The following ABCB8 variants were observed in gnomAD, a reference collection of about 807,000 sequenced individuals.
ABCB8 encodes ATP binding cassette subfamily B member 8.
ABCB8 carries 52 observed loss-of-function variants against 73.0 expected under a neutral mutation model. The observed-to-expected ratio is 0.71, with a 90% CI of 0.57 to 0.90. The LOEUF (loss-of-function observed/expected upper bound fraction) is 0.90. ABCB8 is among the 40% of genes least tolerant of loss of function. The probability of loss-of-function intolerance (pLI) is 0.00; values close to 1 mark genes in which losing one functional copy is unlikely to be tolerated. For synonymous variants in ABCB8, 428 were observed against 423.5 expected (o/e 1.01, Z -0.13); for missense variants, 909 against 974.6 (o/e 0.93, Z 0.90).
intron 9 of ABCB8, chr7:151,038,598 G>GA (rs1351514750): frequency 6.6e-6 from 1 of 151,940 alleles, no homozygotes; most frequent in Non-Finnish European, 1.5e-5. Flanking sequence ...TCCCTGTGGG[G>GA]AGGGTGGCTG....
At position 151,034,314 on chromosome 7, in the gene ABCB8, G is replaced by C; in HGVS notation, c.450G>C (p.Leu150=). Residue 150 remains leucine (L), a synonymous_variant, in exon 3 of 16, where the codon CTG becomes CTC. Transcript: ENST00000358849. ...CACTCGTGAATGTACAGATCCCCCT[G>C]CTCCTGGGCCAGCTGGTAGAGGTCG... is the stretch of plus-strand genomic sequence containing the variant. The part of the protein sequence containing the change: ...GAALVNVQIP[L]LLGQLVEVVA... 1.2e-6 allele frequency: 2 copies of C among 1,613,760 alleles called. No individual in the cohort carries two copies. The highest frequency in any genetic ancestry group is 1.7e-6 in the Non-Finnish European group (2 of 1,180,000).
In ABCB8 at chr7:151,036,075, G is replaced by T. The variant is rs748204050; in HGVS notation, c.1016G>T (p.Arg339Leu). 1.2e-6 allele frequency: 2 copies of T among 1,613,074 alleles called. No individual in the cohort carries two copies. Among genetic ancestry groups the T allele is most frequent in the Middle Eastern group, 3.3e-4 (2 of 6,058 alleles). ...AFAMEQREEE[R>L]YGAELEACRC... ...AATGCACTGGTCTCTCTCACCAGGC[G>T]CTATGGGGCAGAGCTGGAAGCCTGC... Residue 339 changes from arginine to leucine, a missense_variant and splice_region_variant, in exon 8 of 16, where the codon CGC becomes CTC. Transcript: ENST00000358849.
At position 151,035,904 on chromosome 7, in the gene ABCB8, C is replaced by A. The variant is rs768204790; in HGVS notation, c.950C>A (p.Ala317Glu). The change falls in exon 7 of 16, where the codon GCA (alanine) becomes GAA (glutamate). Residue 317 changes from alanine to glutamate, a missense_variant. Physicochemically the swap from Ala to Glu is moderately radical, Grantham distance 107 (BLOSUM62 -1). Transcript: ENST00000358849. ...CAGATCGCCAGGGCAATGGGCGTAG[C>A]AGACGAGGCCCTGGGCAATGTGCGG... ...QEQIARAMGVADEALGNVRTV... is the reference protein window; with the variant it reads ...QEQIARAMGVEDEALGNVRTV... 6.2e-7 allele frequency: 1 copy of A among 1,613,684 alleles called. No individual in the cohort carries two copies. Among genetic ancestry groups the A allele is most frequent in the South Asian group, 1.1e-5 (1 of 91,086 alleles).
intron 9 of ABCB8, chr7:151,038,991 A>G (rs923416956): frequency 4.6e-5 from 7 of 152,198 alleles, no homozygotes; most frequent in African/African-American, 1.7e-4. Context: ...AGCCTAACCT[A>G]TGAGCCCATC....
chr7:151,034,105 A>T (rs552252759), intron 2 of ABCB8, among the ~76,000 whole-genome samples, 168 bp from the exon 3 acceptor site: 7 of 152,304 alleles, frequency 4.6e-5, no homozygotes, highest in African/African-American at 1.7e-4. Context: ...GGGGACTGGA[A>T]GCCAGGGTTT....
chr7:151,028,989 T>A, intron 1 of ABCB8: 2 of 1,225,730 alleles, frequency 1.6e-6, no homozygotes, highest in Non-Finnish European at 2.1e-6. Flanking sequence ...GGATTCAAAG[T>A]GAGTCGAAGA....
intron 9 of ABCB8, chr7:151,037,059 T>C: frequency 1.4e-6 from 1 of 692,168 alleles, no homozygotes. Flanking sequence ...CCAGAACTCT[T>C]ACCTGGCAGA....
intron 13 of ABCB8, among the ~76,000 whole-genome samples, 189 bp downstream of exon 13, chr7:151,041,421 G>A (rs1025802814): frequency 1.3e-5 from 2 of 152,242 alleles, no homozygotes; most frequent in Admixed American, 6.5e-5. Flanking sequence ...AGCAGCCACA[G>A]CTCTGCCTGG....
intron 9 of ABCB8, chr7:151,037,780 T>C (rs1321777019): frequency 5.6e-6 from 1 of 177,590 alleles, no homozygotes; most frequent in Non-Finnish European, 1.2e-5. Flanking sequence ...GGGTGTACTG[T>C]CCCAGGAAGC....
rs1796450187 is a variant in ABCB8, at chr7:151,041,114, C to T, written c.1499C>T (p.Ala500Val). 2 of 1,613,532 alleles carry T rather than the reference C, an allele frequency of 1.2e-6. No homozygotes were observed. Among genetic ancestry groups the T allele is most frequent in the Non-Finnish European group, 1.7e-6 (2 of 1,179,992 alleles). ...AATTCCCCAGGAAAGACCACCGTGG[C>T]TTCCCTGCTGGAGCGCTTCTACGAC... Reference protein sequence around the residue: ...GQSGGGKTTVASLLERFYDPT... With the variant: ...GQSGGGKTTVVSLLERFYDPT... The change falls in exon 13 of 16, where the codon GCT (alanine) becomes GTT (valine). Residue 500 changes from alanine to valine, a missense_variant. Ala to Val is a moderately conservative substitution (Grantham distance 64). Coordinates refer to ENST00000358849, the MANE Select transcript of ABCB8 (RefSeq NM_007188.5).
Position 151,034,818 on chromosome 7 carries a change from G to C in ABCB8, c.754G>C (p.Val252Leu). ...GGAGTTTAAGTCATCCTTCAAGCTT[G>C]TCATCTCCCAGGTCAGTGGCCCAGT... ...VQEFKSSFKLVISQGLRSCTQ... is the reference protein window; with the variant it reads ...VQEFKSSFKLLISQGLRSCTQ... The change falls in exon 5 of 16, where the codon GTC becomes CTC. Residue 252 changes from valine (V) to leucine (L), a missense_variant. Transcript: ENST00000358849. 6.2e-7 allele frequency: 1 copy of C among 1,613,554 alleles called. No homozygotes were observed. The highest frequency in any genetic ancestry group is 8.5e-7 in the Non-Finnish European group (1 of 1,179,782).
intron 2 of ABCB8, 62 bp from the exon 3 acceptor site, chr7:151,034,210 TG>T: frequency 6.5e-7 from 1 of 1,533,804 alleles, no homozygotes. Flanking sequence ...AAGATCTGGC[TG>T]GGGATGGGGA....
At chr7:151,029,060 G>C in intron 1 of ABCB8, 4 of 1,083,020 alleles carry the variant, frequency 3.7e-6, no homozygotes, top group Non-Finnish European at 4.6e-6. Context: ...GCGGTGGCTC[G>C]CTCCTGTAAT....
At chr7:151,036,694 T>A in intron 9 of ABCB8, 45 bp downstream of exon 9, 1 of 1,498,740 alleles carries the variant, frequency 6.7e-7, no homozygotes, top group Non-Finnish European at 9.2e-7. Flanking sequence ...CCTGCCGCCC[T>A]CCAGAGCCCT....
intron 1 of ABCB8, among the ~76,000 whole-genome samples, chr7:151,030,500 G>C (rs1295830495): frequency 1.8e-5 from 2 of 108,628 alleles, no homozygotes; most frequent in Admixed American, 1.7e-4. Context: ...GACAGAGCAA[G>C]ACTCCGTCTC....
chr7:151,042,142 G>A (rs370504823), intron 14 of ABCB8, 34 bp downstream of exon 14: 16 of 1,607,682 alleles, frequency 1.0e-5, no homozygotes, highest in Non-Finnish European at 1.3e-5. Flanking sequence ...ACCAGGTGGT[G>A]AGGCACTGGG....
chr7:151,043,293 A>T (rs1008321978), intron 14 of ABCB8, among the ~76,000 whole-genome samples: 25 of 152,308 alleles, frequency 1.6e-4, no homozygotes, highest in African/African-American at 5.5e-4. Context: ...GCGGTGTCAC[A>T]CCACCCTCAG....
chr7:151,029,701 A>G (rs1796102244), intron 1 of ABCB8: 1 of 151,966 alleles, frequency 6.6e-6, no homozygotes, highest in Non-Finnish European at 1.5e-5. Flanking sequence ...ACGGGGTTTC[A>G]TCATATTGGT....
intron 15 of ABCB8, 75 bp from the exon 16 acceptor site, chr7:151,045,130 TAGAG>T: frequency 1.3e-5 from 19 of 1,422,810 alleles, no homozygotes; most frequent in Non-Finnish European, 1.7e-5. Flanking sequence ...CAATGGCTGA[TAGAG>T]AGGCTCAGCT....
Sources: gnomAD v4.1 joint callset for allele counts (sites outside exome capture counted in the v4.1 genomes callset) on GRCh38, gnomAD v4.1.1 for gene constraint, MANE v1.5 for transcripts, NCBI Gene and HGNC (gene_info 2026-07-23, HGNC 2026-07-21) for gene names.